Variants in FAM193A observed in about 807,000 individuals in gnomAD.
FAM193A encodes the protein family with sequence similarity 193 member A, also known as protein FAM193A.
FAM193A carries 22 observed loss-of-function variants against 126.5 expected under a neutral mutation model. The ratio of observed to expected loss-of-function variants is 0.17; its 90% CI spans 0.12 to 0.25. FAM193A has a LOEUF of 0.25. FAM193A is among the 10% of genes least tolerant of loss of function. The pLI is 1.00. For missense variants in FAM193A, 1,675 were observed against 1,672.8 expected, an observed-to-expected ratio of 1.00 and a Z score of -0.02; for synonymous variants, 761 against 646.8, an observed-to-expected ratio of 1.18 and a Z score of -2.68.
At chr4:2,625,717 A>G (rs901964946) in intron 3 of FAM193A, among the ~76,000 whole-genome samples, 1 of 127,264 alleles carries the variant, frequency 7.9e-6, no homozygotes, top group African/African-American at 3.0e-5. Context: ...CCTGGAGCTC[A>G]TCTTTTTTTT....
Position 2,662,825 on chromosome 4 carries a change from C to T in FAM193A, c.1746-13C>T. 1 of 1,601,390 alleles carries T rather than the reference C, an allele frequency of 6.2e-7. No individual in the cohort carries two copies. The highest frequency in any genetic ancestry group is 8.6e-7 in the Non-Finnish European group (1 of 1,169,458). Reference sequence around the variant, plus strand: ...TTGAATGACCTCACAGTGACCATCTCTGCTTGTGTCAGTTGTAGTGATGAT... The same window carrying T: ...TTGAATGACCTCACAGTGACCATCTTTGCTTGTGTCAGTTGTAGTGATGAT... On this transcript the variant is annotated splice_polypyrimidine_tract_variant and intron_variant, in intron 10 of 20. Transcript: ENST00000637812.
intron 13 of FAM193A, among the ~76,000 whole-genome samples, chr4:2,682,233 C>T (rs968245371): frequency 1.9e-4 from 29 of 152,258 alleles, no homozygotes; most frequent in African/African-American, 6.7e-4. Context: ...ATCCGCCCAC[C>T]TCAGCCTCGC....
chr4:2,674,237 A>G (rs1174511516), intron 13 of FAM193A, among the ~76,000 whole-genome samples: 1 of 152,218 alleles, frequency 6.6e-6, no homozygotes, highest in Non-Finnish European at 1.5e-5. Flanking sequence ...ATTGTCACTT[A>G]CCAGGTCTTA....
At chr4:2,565,970 A>G (rs1233500949) in intron 1 of FAM193A, among the ~76,000 whole-genome samples, 1 of 152,226 alleles carries the variant, frequency 6.6e-6, no homozygotes, top group Non-Finnish European at 1.5e-5. Flanking sequence ...TATCTAGCAA[A>G]TCCAGTATTT....
intron 1 of FAM193A, among the ~76,000 whole-genome samples, chr4:2,586,340 A>G (rs1740237639): frequency 6.6e-6 from 1 of 152,034 alleles, no homozygotes; most frequent in African/African-American, 2.4e-5. Flanking sequence ...CCTTTACCCA[A>G]GGTCATGAGG....
At chr4:2,551,888 T>C (rs973770366) in intron 1 of FAM193A, among the ~76,000 whole-genome samples, 3 of 151,982 alleles carry the variant, frequency 2.0e-5, no homozygotes, top group African/African-American at 7.2e-5. Flanking sequence ...TCTCCTAGTC[T>C]GGAGTGCTGT....
chr4:2,594,054 T>G (rs1416313636), intron 1 of FAM193A, among the ~76,000 whole-genome samples: 2 of 152,124 alleles, frequency 1.3e-5, no homozygotes, highest in Non-Finnish European at 2.9e-5. Context: ...TGAGCTGGGT[T>G]TGGGAAAACT....
At chr4:2,681,756 G>A (rs1245763668) in intron 13 of FAM193A, among the ~76,000 whole-genome samples, 1 of 152,098 alleles carries the variant, frequency 6.6e-6, no homozygotes, top group African/African-American at 2.4e-5. Flanking sequence ...GAGCCACCAC[G>A]CCTATCCTAG....
At chr4:2,570,932 C>T (rs1376970978) in intron 1 of FAM193A, among the ~76,000 whole-genome samples, 3 of 152,156 alleles carry the variant, frequency 2.0e-5, no homozygotes, top group Non-Finnish European at 4.4e-5. Context: ...TCTCTTCTGC[C>T]GTACACTTCC....
chr4:2,615,965 C>A (rs1416227715), intron 2 of FAM193A, among the ~76,000 whole-genome samples: 1 of 152,200 alleles, frequency 6.6e-6, no homozygotes, highest in Non-Finnish European at 1.5e-5. Context: ...ATGCACGCCA[C>A]CATGCCCGGC....
intron 2 of FAM193A, among the ~76,000 whole-genome samples, chr4:2,601,713 ACT>A (rs982885358): frequency 4.0e-5 from 6 of 149,936 alleles, no homozygotes; most frequent in Non-Finnish European, 8.9e-5. Context: ...ACATAGAAAG[ACT>A]CTGTCTCTAT....
intron 7 of FAM193A, among the ~76,000 whole-genome samples, chr4:2,650,053 C>G (rs1745514335): frequency 6.6e-6 from 1 of 152,192 alleles, no homozygotes. Flanking sequence ...CCCATCACCC[C>G]TAGATGGGAC....
intron 2 of FAM193A, among the ~76,000 whole-genome samples, chr4:2,596,818 C>G (rs2108909239): frequency 6.6e-6 from 1 of 152,294 alleles, no homozygotes; most frequent in Admixed American, 6.5e-5. Context: ...TTGGTGGGCC[C>G]TTGTTCCGGG....
intron 20 of FAM193A, among the ~76,000 whole-genome samples, chr4:2,728,896 CTTTTTTTTTTT>C (rs34029424): frequency 5.1e-5 from 5 of 97,150 alleles, no homozygotes; most frequent in African/African-American, 2.1e-4. Context: ...ACCTCCAAAA[CTTTTTTTTTTT>C]TTTTTTTTTT....
At chr4:2,570,403 C>T (rs1177419965) in intron 1 of FAM193A, among the ~76,000 whole-genome samples, 1 of 152,164 alleles carries the variant, frequency 6.6e-6, no homozygotes, top group Non-Finnish European at 1.5e-5. Context: ...AGAAGCAACT[C>T]TAAATCGCTG....
At chr4:2,621,051 T>C (rs1439052469) in intron 2 of FAM193A, among the ~76,000 whole-genome samples, 1 of 152,030 alleles carries the variant, frequency 6.6e-6, no homozygotes, top group Non-Finnish European at 1.5e-5. Flanking sequence ...AGAGGCTCCC[T>C]GAGGTCCTGC....
intron 20 of FAM193A, among the ~76,000 whole-genome samples, chr4:2,731,163 T>C (rs186721015): frequency 2.9e-4 from 39 of 135,352 alleles, no homozygotes; most frequent in Admixed American, 6.1e-4. Flanking sequence ...GCCATTGCAC[T>C]CTAGCCTGGA....
chr4:2,553,699 A>G (rs1414066801), intron 1 of FAM193A, among the ~76,000 whole-genome samples: 1 of 151,988 alleles, frequency 6.6e-6, no homozygotes, highest in Non-Finnish European at 1.5e-5. Context: ...AGAAGTTGGT[A>G]TGGTTTGGCT....
At chr4:2,625,194 G>A in intron 2 of FAM193A, 68 bp from the exon 3 acceptor site, 3 of 621,440 alleles carry the variant, frequency 4.8e-6, no homozygotes, top group South Asian at 1.8e-5. Context: ...TTCCTGAACA[G>A]TTAATAAAAA....
Sources: gnomAD v4.1 joint callset for allele counts (sites outside exome capture counted in the v4.1 genomes callset) on GRCh38, gnomAD v4.1.1 for gene constraint, MANE v1.5 for transcripts, NCBI Gene and HGNC (gene_info 2026-07-23, HGNC 2026-07-21) for gene names.